MAP2K5: variants seen among roughly 807,000 people sequenced by gnomAD.
MAP2K5 encodes dual specificity mitogen-activated protein kinase kinase 5.
MAP2K5 carries 49 observed loss-of-function variants against 83.1 expected under a neutral mutation model. The observed-to-expected ratio is 0.59, with a 90% CI of 0.47 to 0.75. MAP2K5 has a LOEUF of 0.75. Among genes scored for constraint, MAP2K5 ranks in the 30% least tolerant of loss-of-function variants. MAP2K5 has a pLI of 0.00. For synonymous variants in MAP2K5, 202 were observed against 191.8 expected (o/e 1.05, Z -0.44); for missense variants, 457 against 557.5 (o/e 0.82, Z 1.82).
chr15:67,745,191 G>A (rs764272314), intron 17 of MAP2K5, among the ~76,000 whole-genome samples: 4 of 152,218 alleles, frequency 2.6e-5, no homozygotes, highest in Middle Eastern at 3.2e-3. Context: ...CACGCAAAAT[G>A]TATAAGCAGG....
chr15:67,752,671 C>A lies in MAP2K5; in HGVS notation c.1134+4070C>A, dbSNP rs543711587. Among the ~76,000 whole-genome samples, 159 of 148,012 alleles carry A rather than the reference C, an allele frequency of 1.1e-3. 2 individuals are homozygous for A. In the South Asian group the frequency reaches 0.022, roughly 20 times the overall value. On this transcript the variant is annotated intron_variant, in intron 19 of 21. Coordinates refer to ENST00000178640, the MANE Select transcript of MAP2K5 (RefSeq NM_145160.3). ...CCAGCCTGGGTGACAGAGCAAGACACCCTCTCAAAAAAAAAAAAAGAAAAA... is the reference window on the plus strand; with the variant it reads ...CCAGCCTGGGTGACAGAGCAAGACAACCTCTCAAAAAAAAAAAAAGAAAAA...
intron 11 of MAP2K5, among the ~76,000 whole-genome samples, chr15:67,656,746 C>T (rs1417406958): frequency 6.6e-6 from 1 of 152,166 alleles, no homozygotes; most frequent in African/African-American, 2.4e-5. Flanking sequence ...TTTTTCCCAC[C>T]TGTCAAGTAA....
At chr15:67,667,943 A>C in intron 13 of MAP2K5, among the ~76,000 whole-genome samples, 1 of 152,198 alleles carries the variant, frequency 6.6e-6, no homozygotes, top group East Asian at 1.9e-4. Flanking sequence ...AATCTGAGCA[A>C]TAAGCAGCGG....
chr15:67,551,120 A>T (rs979147298), intron 2 of MAP2K5, among the ~76,000 whole-genome samples: 2 of 152,144 alleles, frequency 1.3e-5, no homozygotes, highest in Non-Finnish European at 2.9e-5. Context: ...CCACAATAGG[A>T]TACTTTTTTG....
At chr15:67,707,554 C>T (rs1201554109) in intron 16 of MAP2K5, among the ~76,000 whole-genome samples, 4 of 152,184 alleles carry the variant, frequency 2.6e-5, no homozygotes, top group African/African-American at 9.7e-5. Flanking sequence ...TGCCCTGTGC[C>T]AGGCCCTGGA....
intron 7 of MAP2K5, among the ~76,000 whole-genome samples, chr15:67,593,261 A>G (rs1190396898): frequency 6.6e-6 from 1 of 152,210 alleles, no homozygotes. Flanking sequence ...GGCTGTTGAA[A>G]TGGCCCTGCA....
At chr15:67,695,146 T>C (rs2088218796) in intron 15 of MAP2K5, among the ~76,000 whole-genome samples, 1 of 150,312 alleles carries the variant, frequency 6.7e-6, no homozygotes, top group Non-Finnish European at 1.5e-5. Flanking sequence ...CATTGGGAGA[T>C]ATACCTAATG....
At chr15:67,721,403 C>T (rs2088956913) in intron 16 of MAP2K5, among the ~76,000 whole-genome samples, 1 of 152,156 alleles carries the variant, frequency 6.6e-6, no homozygotes, top group African/African-American at 2.4e-5. Flanking sequence ...TTAAGGCGCA[C>T]TCCTGATGGG....
At chr15:67,583,460 T>A (rs1416266460) in intron 4 of MAP2K5, among the ~76,000 whole-genome samples, 1 of 152,196 alleles carries the variant, frequency 6.6e-6, no homozygotes, top group East Asian at 1.9e-4. Context: ...TGAGACTGTC[T>A]TTTTATTTCT....
At chr15:67,679,434 C>G (rs532383958) in intron 13 of MAP2K5, among the ~76,000 whole-genome samples, 1 of 152,130 alleles carries the variant, frequency 6.6e-6, no homozygotes, top group Admixed American at 6.5e-5. Context: ...CAGCTACTTG[C>G]GGTTATTGAG....
At chr15:67,550,586 C>T (rs995170569) in intron 2 of MAP2K5, among the ~76,000 whole-genome samples, 4 of 152,066 alleles carry the variant, frequency 2.6e-5, no homozygotes, top group African/African-American at 9.7e-5. Context: ...GGGGACAGGG[C>T]CAGGGTGACC....
intron 21 of MAP2K5, among the ~76,000 whole-genome samples, chr15:67,787,857 T>A (rs1003426989): frequency 6.6e-6 from 1 of 152,238 alleles, no homozygotes; most frequent in Non-Finnish European, 1.5e-5. Context: ...TTAAACTGTT[T>A]ACTAATCAAC....
rs145352600 is a variant in MAP2K5 at position 67,805,701 on chromosome 15, G to A, written c.1243-945G>A. Among the ~76,000 whole-genome samples the A allele has an allele frequency of 7.0e-3, 1,067 of 152,320 alleles. 14 individuals are homozygous for A. The highest frequency in any genetic ancestry group is 0.024 in the African/African-American group (994 of 41,574). On this transcript the variant is annotated intron_variant, in intron 21 of 21. Transcript: ENST00000178640. ...TCCCCCATTCTCTGTCCTCGCTATGGCTCCCCGAGTCTCACCATGCAAGCT... is the reference window on the plus strand; with the variant it reads ...TCCCCCATTCTCTGTCCTCGCTATGACTCCCCGAGTCTCACCATGCAAGCT...
chr15:67,582,848 A>G (rs56951899), intron 4 of MAP2K5, among the ~76,000 whole-genome samples: 20,556 of 151,492 alleles, frequency 0.14, 1,832 homozygotes, highest in African/African-American at 0.23. Context: ...ACACACACAC[A>G]CACACACTTC....
At chr15:67,612,510 G>A (rs2085949691) in intron 8 of MAP2K5, among the ~76,000 whole-genome samples, 1 of 152,176 alleles carries the variant, frequency 6.6e-6, no homozygotes, top group South Asian at 2.1e-4. Flanking sequence ...GTGCAGTGAA[G>A]TCACTCAAAT....
intron 9 of MAP2K5, among the ~76,000 whole-genome samples, chr15:67,631,851 C>G (rs1253971079): frequency 1.3e-5 from 2 of 152,110 alleles, no homozygotes; most frequent in East Asian, 3.9e-4. Flanking sequence ...AAGTCCTAAC[C>G]CCACAGAACC....
Position 67,719,929 on chromosome 15 carries a change from C to A in MAP2K5, c.1045-7987C>A, listed in dbSNP as rs987103630. Among the ~76,000 whole-genome samples, 3 of 152,104 alleles carry A rather than the reference C, an allele frequency of 2.0e-5. No individual in the cohort carries two copies. Among genetic ancestry groups the A allele is most frequent in the Non-Finnish European group, 4.4e-5 (3 of 68,004 alleles). On this transcript the variant is annotated intron_variant, in intron 16 of 21. Transcript: ENST00000178640. The surrounding 1 kb of genome is among the most constrained non-coding windows in gnomAD (Gnocchi z 4.6). ...GTGCACAGAATACCATGGAAAAAGA[C>A]CTTTGCCATTGTTTTTAACTGACTT...
intron 16 of MAP2K5, among the ~76,000 whole-genome samples, chr15:67,718,344 G>C (rs2088874362): frequency 6.6e-6 from 1 of 152,332 alleles, no homozygotes; most frequent in African/African-American, 2.4e-5. Flanking sequence ...AGAGGACACA[G>C]GTCAGCGTTA....
chr15:67,766,727 A>G (rs569381669), intron 19 of MAP2K5, among the ~76,000 whole-genome samples: 1 of 152,292 alleles, frequency 6.6e-6, no homozygotes, highest in East Asian at 1.9e-4. Flanking sequence ...AAAAGAGAAA[A>G]GTGTACTGTC....
Sources: allele counts gnomAD v4.1 joint callset (sites outside exome capture counted in the v4.1 genomes callset), GRCh38; gene constraint gnomAD v4.1.1; non-coding constraint Gnocchi (gnomAD v3.1); transcripts MANE v1.5; gene names NCBI Gene and HGNC (gene_info 2026-07-23, HGNC 2026-07-21).